LZTFL1: variants seen among roughly 807,000 people sequenced by gnomAD.
The protein encoded by LZTFL1 is leucine zipper transcription factor-like protein 1.
A neutral mutation model predicts 45.9 loss-of-function variants in LZTFL1; 25 were observed. That is an observed-to-expected ratio of 0.54 (90% CI 0.40 to 0.76). The LOEUF is 0.76. LZTFL1 is among the 30% of genes least tolerant of loss of function. The pLI is 0.00. For synonymous variants in LZTFL1, 93 were observed against 117.4 expected (o/e 0.79, Z 1.35); for missense variants, 277 against 331.1 (o/e 0.84, Z 1.27).
At chr3:45,872,297 G>A (rs565338013) in intron 2 of LZTFL1, among the ~76,000 whole-genome samples, 124 of 152,286 alleles carry the variant, frequency 8.1e-4, no homozygotes, top group Non-Finnish European at 1.4e-3. Context: ...CTGTGGTGTC[G>A]ATCGAGTACT....
intron 2 of LZTFL1, among the ~76,000 whole-genome samples, chr3:45,905,836 G>A (rs1334078585): frequency 1.3e-5 from 2 of 152,210 alleles, no homozygotes; most frequent in African/African-American, 4.8e-5. Flanking sequence ...GCATGACATG[G>A]TCAGTGAGAG....
chr3:45,865,235 C>T (rs1380640312), intron 2 of LZTFL1, among the ~76,000 whole-genome samples: 1 of 152,196 alleles, frequency 6.6e-6, no homozygotes, highest in Non-Finnish European at 1.5e-5. Flanking sequence ...GTTGAAGAGA[C>T]CTGCCTCTTT....
At chr3:45,898,336 G>A (rs1702435296) in intron 2 of LZTFL1, among the ~76,000 whole-genome samples, 1 of 152,196 alleles carries the variant, frequency 6.6e-6, no homozygotes, top group African/African-American at 2.4e-5. Context: ...TTTCTAAAAT[G>A]TGTGTCACCT....
chr3:45,833,166 A>C (rs778824874), intron 4 of LZTFL1, 45 bp from the exon 5 acceptor site: 2 of 1,333,870 alleles, frequency 1.5e-6, no homozygotes, highest in African/African-American at 2.9e-5. Context: ...CACAGAATAA[A>C]GCATGTATAA....
chr3:45,841,912 C>T, intron 1 of LZTFL1, 77 bp downstream of exon 1: 3 of 1,555,820 alleles, frequency 1.9e-6, no homozygotes, highest in African/African-American at 1.4e-5. Context: ...TCATTCCGGG[C>T]CCACCCGCTC....
In LZTFL1 at chr3:45,890,084, G is replaced by A. The variant is rs145883966; in HGVS notation, c.-215+23036C>T. The stretch of plus-strand genomic sequence containing the variant: ...TTTTTTCCAAACTCTTACCAATGTC[G>A]TTACCATCTATTGCTATTTCCAATC... On this transcript the variant is annotated intron_variant, in intron 2 of 4. Transcript: ENST00000472635. Among the ~76,000 whole-genome samples, 408 of 149,478 alleles carry A rather than the reference G, an allele frequency of 2.7e-3. 1 individual carries two copies. The highest frequency in any genetic ancestry group is 9.6e-3 in the African/African-American group (388 of 40,560).
In LZTFL1 at chr3:45,835,794, A is replaced by C. The variant is rs771988814; in HGVS notation, c.129-10T>G. On this transcript the variant is annotated splice_polypyrimidine_tract_variant and intron_variant, in intron 2 of 9. Transcript: ENST00000296135. ...GGTGTCCTCCACCAGCCTGAAAAAC[A>C]ACCATGATCCAAAACTTATAGAAAA... 3.8e-5 allele frequency: 60 copies of C among 1,580,740 alleles called. No homozygotes were observed. Among genetic ancestry groups the C allele is most frequent in the Non-Finnish European group, 4.9e-5 (57 of 1,159,346 alleles).
In LZTFL1 at chr3:45,890,324, A is replaced by AC. The variant is rs572867024; in HGVS notation, c.-215+22795_-215+22796insG. Reference sequence around the variant, plus strand: ...TATAACATATATATATATTTATATAAATATATATATAACATATATATATAA... The same window carrying AC: ...TATAACATATATATATATTTATATAACATATATATATAACATATATATATAA... On this transcript the variant is annotated intron_variant, in intron 2 of 4. Transcript: ENST00000472635. Among the ~76,000 whole-genome samples, 38 of 83,090 alleles carry AC rather than the reference A, an allele frequency of 4.6e-4. 4 individuals are homozygous for AC. Among genetic ancestry groups the AC allele is most frequent in the South Asian group, 2.5e-3 (5 of 2,016 alleles). The allele number at this position is 83,090 out of a possible 152,430, so 54.5% of individuals were successfully genotyped here.
At chr3:45,864,247 G>A (rs756885963) in intron 2 of LZTFL1, among the ~76,000 whole-genome samples, 3 of 152,218 alleles carry the variant, frequency 2.0e-5, no homozygotes, top group Non-Finnish European at 4.4e-5. Context: ...GTAAAAAAGA[G>A]TAGCATATTA....
intron 5 of LZTFL1, among the ~76,000 whole-genome samples, chr3:45,832,051 T>C (rs1700836843): frequency 1.3e-5 from 2 of 152,032 alleles, no homozygotes; most frequent in Non-Finnish European, 2.9e-5. Flanking sequence ...CTGGCTAACA[T>C]GGTGAAACCC....
chr3:45,890,333 AT>A (rs1702130136), intron 2 of LZTFL1, among the ~76,000 whole-genome samples: 1 of 73,010 alleles, frequency 1.4e-5, no homozygotes, highest in Non-Finnish European at 2.1e-5. Context: ...AAATATATAT[AT>A]AACATATATA....
At position 45,838,063 on chromosome 3, in the gene LZTFL1, A is replaced by T; in HGVS notation, c.4-12T>A. ...AGGCCCAACTCTGCCTGAAAAAGAAAGAGGTAATTTAATTGTTAGTTTTGA... is the reference window on the plus strand; with the variant it reads ...AGGCCCAACTCTGCCTGAAAAAGAATGAGGTAATTTAATTGTTAGTTTTGA... On this transcript the variant is annotated splice_polypyrimidine_tract_variant and intron_variant, in intron 1 of 9. Coordinates refer to ENST00000296135, the MANE Select transcript of LZTFL1 (RefSeq NM_020347.4). 1 of 1,583,912 alleles carries T rather than the reference A, an allele frequency of 6.3e-7. No individual in the cohort carries two copies. Among genetic ancestry groups the T allele is most frequent in the Non-Finnish European group, 8.5e-7 (1 of 1,169,754 alleles).
chr3:45,864,822 C>T (rs1479892412), intron 2 of LZTFL1, among the ~76,000 whole-genome samples: 1 of 152,160 alleles, frequency 6.6e-6, no homozygotes, highest in Non-Finnish European at 1.5e-5. Context: ...CCACATTCAG[C>T]CAATGTGGTA....
At chr3:45,899,835 C>T (rs540331384) in intron 2 of LZTFL1, among the ~76,000 whole-genome samples, 1 of 152,208 alleles carries the variant, frequency 6.6e-6, no homozygotes, top group Admixed American at 6.5e-5. Flanking sequence ...CTCAGGGTCT[C>T]ATTTCCAGAC....
intron 1 of LZTFL1, chr3:45,915,405 C>T: frequency 2.4e-6 from 1 of 421,902 alleles, no homozygotes; most frequent in Non-Finnish European, 4.8e-6. Flanking sequence ...GAGAAGACAG[C>T]ACCTGCCCCA....
At position 45,828,571 on chromosome 3, in the gene LZTFL1, G is replaced by C. The variant is rs781281594; in HGVS notation, c.645C>G (p.Val215=). Residue 215 remains valine, a synonymous_variant, in exon 8 of 10, where the codon GTC becomes GTG. Transcript: ENST00000296135. The part of the protein sequence containing the change: ...AQDLSNLENT[V]AALKSEFQKT... Reference sequence around the variant, plus strand: ...TCTGAAACTCACTCTTTAAGGCAGCGACAGTGTTTTCTAAGTTACTTAAGT... The same window carrying C: ...TCTGAAACTCACTCTTTAAGGCAGCCACAGTGTTTTCTAAGTTACTTAAGT... The C allele has an allele frequency of 1.2e-6, 2 of 1,613,984 alleles. No homozygotes were observed. The highest frequency in any genetic ancestry group is 1.6e-4 in the Middle Eastern group (1 of 6,084).
At chr3:45,879,736 T>C (rs531565831) in intron 2 of LZTFL1, among the ~76,000 whole-genome samples, 1 of 152,320 alleles carries the variant, frequency 6.6e-6, no homozygotes, top group South Asian at 2.1e-4. Context: ...AGTGGGAAGG[T>C]GGCACATGTG....
chr3:45,841,830 A>T, intron 1 of LZTFL1, 159 bp downstream of exon 1: 1 of 950,892 alleles, frequency 1.1e-6, no homozygotes, highest in Admixed American at 2.3e-5. Context: ...GGTTAACCGA[A>T]TCTCTCGCGC....
In LZTFL1 at chr3:45,842,090, G is replaced by C; in HGVS notation, c.-99C>G. On this transcript the variant is annotated 5_prime_UTR_variant, in exon 1 of 10. Transcript: ENST00000296135. Reference sequence around the variant, plus strand: ...AGGGTAGTTGGACCACAGAAAATGGGGAAGGAGGGTAGGTTGTTTAGAAGC... The same window carrying C: ...AGGGTAGTTGGACCACAGAAAATGGCGAAGGAGGGTAGGTTGTTTAGAAGC... 2 of 1,570,280 alleles carry C rather than the reference G, an allele frequency of 1.3e-6. No individual in the cohort carries two copies. Among genetic ancestry groups the C allele is most frequent in the South Asian group, 2.3e-5 (2 of 86,314 alleles).
Sources: gnomAD v4.1 joint callset for allele counts (sites outside exome capture counted in the v4.1 genomes callset) on GRCh38, gnomAD v4.1.1 for gene constraint, MANE v1.5 for transcripts, NCBI Gene and HGNC (gene_info 2026-07-23, HGNC 2026-07-21) for gene names.